The following FHIT variants were observed in gnomAD, a reference collection of about 807,000 sequenced individuals.
FHIT encodes fragile histidine triad diadenosine triphosphatase.
In FHIT, 19 loss-of-function variants were observed where a neutral mutation model predicts 17.9. The observed-to-expected ratio is 1.06, with a 90% CI of 0.74 to 1.56. The LOEUF (loss-of-function observed/expected upper bound fraction) is 1.56, where lower values mean the gene tolerates loss of function less well. Among genes scored for constraint, FHIT ranks in the 40% most tolerant of loss-of-function variants. The pLI is 0.00. For synonymous variants in FHIT, 81 were observed against 69.7 expected (o/e 1.16, Z -0.81); for missense variants, 248 against 189.2 (o/e 1.31, Z -1.82).
At chr3:60,433,514 C>T (rs1337515430) in intron 5 of FHIT, among the ~76,000 whole-genome samples, 4 of 151,950 alleles carry the variant, frequency 2.6e-5, no homozygotes, top group Non-Finnish European at 4.4e-5. Context: ...ATCATTGCAT[C>T]GTTTTATTTT....
intron 4 of FHIT, among the ~76,000 whole-genome samples, chr3:60,548,908 TTTGACAAACATGGCTTCCGA>T (rs1156685464): frequency 6.6e-6 from 1 of 152,206 alleles, no homozygotes; most frequent in African/African-American, 2.4e-5. Flanking sequence ...ATCACGGGGA[TTTGACAAACATGGCTTCCGA>T]TTGTATCTTC....
intron 4 of FHIT, among the ~76,000 whole-genome samples, chr3:60,549,805 G>T (rs773140446): frequency 1.3e-5 from 2 of 152,146 alleles, no homozygotes; most frequent in African/African-American, 2.4e-5. Flanking sequence ...TTCGTTAAAA[G>T]AATAAAACTG....
At chr3:60,583,752 G>A (rs1553660577) in intron 4 of FHIT, among the ~76,000 whole-genome samples, 2 of 151,992 alleles carry the variant, frequency 1.3e-5, no homozygotes, top group East Asian at 1.9e-4. Context: ...TTGCCATAAC[G>A]CAAAGGTCTT....
intron 2 of FHIT, among the ~76,000 whole-genome samples, chr3:61,066,094 C>T (rs1046025849): frequency 2.6e-5 from 4 of 152,114 alleles, no homozygotes; most frequent in Non-Finnish European, 4.4e-5. Context: ...AGAAACAGCA[C>T]GCAAAGGAGC....
At chr3:59,914,622 T>C (rs1175322562) in intron 8 of FHIT, among the ~76,000 whole-genome samples, 1 of 152,234 alleles carries the variant, frequency 6.6e-6, no homozygotes, top group Admixed American at 6.5e-5. Context: ...AATTTTTATC[T>C]TCTGTTTCCC....
chr3:60,708,057 T>A (rs1020991951), intron 4 of FHIT, among the ~76,000 whole-genome samples: 1 of 152,238 alleles, frequency 6.6e-6, no homozygotes, highest in Non-Finnish European at 1.5e-5. Context: ...TCTTCATAAA[T>A]ACACATTTAA....
intron 4 of FHIT, among the ~76,000 whole-genome samples, chr3:60,599,746 G>A (rs2107711211): frequency 6.7e-6 from 1 of 150,356 alleles, no homozygotes; most frequent in African/African-American, 2.5e-5. Context: ...CATACACACT[G>A]TCCCACATCA....
At chr3:60,384,781 T>G (rs898136195) in intron 5 of FHIT, among the ~76,000 whole-genome samples, 3 of 151,868 alleles carry the variant, frequency 2.0e-5, no homozygotes, top group Admixed American at 6.6e-5. Context: ...CTACAAAACT[T>G]TATCAGAAAC....
chr3:60,193,342 C>G (rs970093807), intron 5 of FHIT, among the ~76,000 whole-genome samples: 1 of 152,278 alleles, frequency 6.6e-6, no homozygotes, highest in Middle Eastern at 3.4e-3. Flanking sequence ...AGCCAGTGTT[C>G]AGGCTGCAAA....
intron 4 of FHIT, among the ~76,000 whole-genome samples, chr3:60,741,485 T>A (rs2108009911): frequency 1.3e-5 from 2 of 152,358 alleles, no homozygotes; most frequent in Non-Finnish European, 2.9e-5. Flanking sequence ...AAAGGTGTTT[T>A]GTGCTCCACA....
intron 7 of FHIT, among the ~76,000 whole-genome samples, chr3:59,973,691 T>A (rs1044218540): frequency 1.2e-4 from 19 of 152,146 alleles, no homozygotes; most frequent in Non-Finnish European, 2.4e-4. Context: ...TTGTTCAACA[T>A]TTCATCCCCA....
intron 4 of FHIT, among the ~76,000 whole-genome samples, chr3:60,686,212 A>G (rs1483592731): frequency 6.6e-6 from 1 of 152,100 alleles, no homozygotes; most frequent in Non-Finnish European, 1.5e-5. Flanking sequence ...TTTCATGTAT[A>G]TAGTGTGTTG....
At chr3:60,458,343 A>G (rs957046942) in intron 5 of FHIT, among the ~76,000 whole-genome samples, 5 of 150,080 alleles carry the variant, frequency 3.3e-5, no homozygotes, top group Admixed American at 3.3e-4. Flanking sequence ...AAAAAACCAA[A>G]CACCGCATGT....
intron 8 of FHIT, among the ~76,000 whole-genome samples, chr3:59,785,055 A>T (rs995399696): frequency 4.6e-5 from 7 of 151,996 alleles, no homozygotes; most frequent in South Asian, 2.1e-4. Flanking sequence ...AGAGAGAGAG[A>T]GGGGAGTTGC....
At chr3:60,155,241 A>C (rs1700631010) in intron 5 of FHIT, among the ~76,000 whole-genome samples, 1 of 151,844 alleles carries the variant, frequency 6.6e-6, no homozygotes, top group African/African-American at 2.4e-5. Context: ...TGTGAAACAG[A>C]AAATCTCAGT....
chr3:60,365,578 C>G (rs60568558), intron 5 of FHIT, among the ~76,000 whole-genome samples: 22,993 of 152,050 alleles, frequency 0.15, 2,828 homozygotes, highest in African/African-American at 0.33. Context: ...GTTCTCATAA[C>G]TCATTAGTTA....
At chr3:60,100,886 G>C (rs1384945945) in intron 5 of FHIT, among the ~76,000 whole-genome samples, 1 of 152,118 alleles carries the variant, frequency 6.6e-6, no homozygotes, top group African/African-American at 2.4e-5. Flanking sequence ...GTGACACCAA[G>C]AACCACTTGA....
chr3:60,906,455 G>A (rs1222945356), intron 3 of FHIT, among the ~76,000 whole-genome samples: 3 of 152,130 alleles, frequency 2.0e-5, no homozygotes, highest in Non-Finnish European at 1.5e-5. Context: ...TCGCCTAGCG[G>A]CAATGGCACC....
intron 8 of FHIT, among the ~76,000 whole-genome samples, chr3:59,833,760 C>T (rs1701245073): frequency 6.6e-6 from 1 of 152,128 alleles, no homozygotes; most frequent in Non-Finnish European, 1.5e-5. Flanking sequence ...GAATTGTAAT[C>T]TCCACATGTT....
Sources: allele counts gnomAD v4.1 joint callset (sites outside exome capture counted in the v4.1 genomes callset), GRCh38; gene constraint gnomAD v4.1.1; transcripts MANE v1.5; gene names NCBI Gene and HGNC (gene_info 2026-07-23, HGNC 2026-07-21).